Variants in APBB2 observed in about 807,000 individuals in gnomAD.
The protein encoded by APBB2 is Fe65-like 1.
APBB2 carries 38 observed loss-of-function variants against 82.5 expected under a neutral mutation model. The observed-to-expected ratio is 0.46, with a 90% confidence interval of 0.36 to 0.60. The LOEUF (loss-of-function observed/expected upper bound fraction) is 0.60, where lower values mean the gene tolerates loss of function less well. Among genes scored for constraint, APBB2 ranks in the 20% least tolerant of loss-of-function variants. The pLI is 0.00. For missense variants in APBB2, 772 were observed against 972.3 expected (o/e 0.79, Z 2.74); for synonymous variants, 341 against 368.2 (o/e 0.93, Z 0.85).
chr4:41,159,232 A>G lies in APBB2; in HGVS notation c.-416-16090T>C, dbSNP rs372431525. ...CTTAAATCGACCTTTCCCTTTCTCT[A>G]TCTCTCTCTTTTTCTTTCTCTCTCT... On this transcript the variant is annotated intron_variant, in intron 1 of 17. Transcript: ENST00000508593. Among the ~76,000 whole-genome samples, 6 of 152,294 alleles carry G rather than the reference A, an allele frequency of 3.9e-5. No individual in the cohort carries two copies. In the East Asian group the frequency reaches 9.6e-4, roughly 24 times the overall value.
At chr4:41,140,042 A>G (rs1048648145) in intron 2 of APBB2, among the ~76,000 whole-genome samples, 4 of 152,232 alleles carry the variant, frequency 2.6e-5, no homozygotes, top group African/African-American at 9.6e-5. Flanking sequence ...TCCCCCAAAA[A>G]ACAGTGTAAT....
chr4:41,016,860 T>G (rs1463734833), intron 5 of APBB2, among the ~76,000 whole-genome samples: 1 of 151,976 alleles, frequency 6.6e-6, no homozygotes, highest in Non-Finnish European at 1.5e-5. Context: ...ATTAGTTTAT[T>G]TACGTACTTA....
At chr4:40,954,739 G>A (rs1022302372) in intron 6 of APBB2, among the ~76,000 whole-genome samples, 5 of 152,162 alleles carry the variant, frequency 3.3e-5, no homozygotes, top group Non-Finnish European at 5.9e-5. Flanking sequence ...TCTTGGCTCA[G>A]TGTAACCTCT....
In APBB2 at chr4:41,213,035, A is replaced by C. The variant is rs149109178; in HGVS notation, c.-417+1370T>G. Reference sequence around the variant, plus strand: ...AGCCACACAAATTCTAATACTCTGCATTATTATGGCCATTTGGGGACAAGA... The same window carrying C: ...AGCCACACAAATTCTAATACTCTGCCTTATTATGGCCATTTGGGGACAAGA... On this transcript the variant is annotated intron_variant, in intron 1 of 17. Transcript: ENST00000508593. Among the ~76,000 whole-genome samples the C allele has an allele frequency of 9.9e-5, 15 of 152,142 alleles. No individual in the cohort carries two copies. In the East Asian group the frequency reaches 2.5e-3, roughly 25 times the overall value.
chr4:40,902,439 C>A (rs1775568606), intron 10 of APBB2, among the ~76,000 whole-genome samples: 1 of 152,126 alleles, frequency 6.6e-6, no homozygotes, highest in South Asian at 2.1e-4. Flanking sequence ...TAGGGAGGGG[C>A]AAGAAAGGGC....
chr4:40,853,159 C>A (rs1399730186), intron 12 of APBB2, among the ~76,000 whole-genome samples: 1 of 152,104 alleles, frequency 6.6e-6, no homozygotes, highest in Non-Finnish European at 1.5e-5. Flanking sequence ...CACCCACCTG[C>A]TTCTCTTCAT....
intron 2 of APBB2, among the ~76,000 whole-genome samples, chr4:41,139,933 C>T (rs1758629553): frequency 6.6e-6 from 1 of 152,050 alleles, no homozygotes; most frequent in South Asian, 2.1e-4. Context: ...TCAATATTGG[C>T]TCATCAATTA....
intron 12 of APBB2, among the ~76,000 whole-genome samples, chr4:40,861,661 T>C (rs888686127): frequency 6.6e-6 from 1 of 152,220 alleles, no homozygotes; most frequent in African/African-American, 2.4e-5. Context: ...AAACGGTGTT[T>C]ATGGAATGAA....
chr4:40,907,377 ATATTTTTTTT>A lies in APBB2; in HGVS notation c.1255-13976_1255-13967del, dbSNP rs1290314453. 3.5e-3 allele frequency among the ~76,000 whole-genome samples: 99 copies of A among 28,248 alleles called. No individual in the cohort carries two copies. The Middle Eastern group carries it at 0.058, about 16-fold the overall frequency. The allele number at this position is 28,248 out of a possible 152,430, so 18.5% of individuals were successfully genotyped here. ...TATATATATATATATATATATATAT[ATATTTTTTTT>A]TTTTTTTTTTTTTAGACAGAGTCTC... On this transcript the variant is annotated intron_variant, in intron 10 of 17. Transcript: ENST00000508593.
chr4:40,837,777 A>G (rs1754468884), intron 12 of APBB2, among the ~76,000 whole-genome samples: 1 of 152,174 alleles, frequency 6.6e-6, no homozygotes, highest in South Asian at 2.1e-4. Context: ...CAGGAAGTGG[A>G]AGGGTTATAG....
At chr4:41,050,259 C>T (rs1386165069) in intron 4 of APBB2, among the ~76,000 whole-genome samples, 2 of 152,162 alleles carry the variant, frequency 1.3e-5, no homozygotes, top group African/African-American at 2.4e-5. Context: ...AGGTACAATA[C>T]AGAAACTTTT....
At chr4:40,907,156 A>G (rs1043097601) in intron 10 of APBB2, among the ~76,000 whole-genome samples, 58 of 151,820 alleles carry the variant, frequency 3.8e-4, no homozygotes, top group Admixed American at 8.5e-4. Context: ...AGATGAGGAA[A>G]CTGAGGTACA....
intron 3 of APBB2, among the ~76,000 whole-genome samples, chr4:41,076,717 G>A (rs1735745274): frequency 6.6e-6 from 1 of 152,182 alleles, no homozygotes; most frequent in South Asian, 2.1e-4. Flanking sequence ...CACCAAGCAT[G>A]TGAAATAGGG....
Position 41,190,241 on chromosome 4 carries a change from A to ATTTTTT in APBB2, c.-417+24158_-417+24163dup, listed in dbSNP as rs1160837303. Among the ~76,000 whole-genome samples the ATTTTTT allele has an allele frequency of 2.2e-4, 16 of 71,806 alleles. 1 individual carries two copies. The highest frequency in any genetic ancestry group is 4.8e-4 in the Admixed American group (3 of 6,250). The allele number at this position is 71,806 out of a possible 152,430, so 47.1% of individuals were successfully genotyped here. A position where few individuals can be genotyped will look rare whatever the true frequency, so the allele number is the denominator to read the frequency against. ...ATCAAAAGAATTTCCTACATAGGCT[A>ATTTTTT]TTTTTTTTTTTTTTTTTTTTTTTTT... On this transcript the variant is annotated intron_variant, in intron 1 of 17. Transcript: ENST00000508593.
chr4:41,022,258 C>G (rs1481684868), intron 5 of APBB2, among the ~76,000 whole-genome samples: 1 of 152,216 alleles, frequency 6.6e-6, no homozygotes, highest in Non-Finnish European at 1.5e-5. Flanking sequence ...TTCTAAGATT[C>G]TGATTCAGTT....
intron 6 of APBB2, among the ~76,000 whole-genome samples, chr4:40,972,937 G>A (rs1796311105): frequency 6.6e-6 from 1 of 152,206 alleles, no homozygotes; most frequent in Admixed American, 6.5e-5. Flanking sequence ...ATCTTAGACT[G>A]CAACATAAAC....
intron 1 of APBB2, among the ~76,000 whole-genome samples, chr4:41,210,975 C>G (rs1779174816): frequency 6.6e-6 from 1 of 152,158 alleles, no homozygotes; most frequent in Admixed American, 6.5e-5. Context: ...ACTGAACAGA[C>G]CAGGCGTGAT....
intron 10 of APBB2, 105 bp from the exon 11 acceptor site, chr4:40,893,516 C>G: frequency 9.6e-7 from 1 of 1,044,046 alleles, no homozygotes; most frequent in Non-Finnish European, 1.3e-6. Flanking sequence ...ACTTAATGCA[C>G]CTTTATTTGC....
chr4:40,817,757 G>A (rs963321973), intron 17 of APBB2, among the ~76,000 whole-genome samples: 1 of 152,074 alleles, frequency 6.6e-6, no homozygotes, highest in African/African-American at 2.4e-5. Context: ...GCAAGACCCT[G>A]GGGGAAGGAT....
Sources: gnomAD v4.1 joint callset for allele counts (sites outside exome capture counted in the v4.1 genomes callset) on GRCh38, gnomAD v4.1.1 for gene constraint, MANE v1.5 for transcripts, NCBI Gene and HGNC (gene_info 2026-07-23, HGNC 2026-07-21) for gene names.